Variants in YLPM1 observed in about 807,000 individuals in gnomAD.
The protein encoded by YLPM1 is YLP motif-containing protein 1.
YLPM1 carries 99 observed loss-of-function variants against 230.0 expected under a neutral mutation model. The observed-to-expected ratio is 0.43, with a 90% confidence interval of 0.37 to 0.51. YLPM1 has a LOEUF of 0.51. Ranked by LOEUF, YLPM1 falls within the 20% of genes least tolerant of loss-of-function variation. The pLI, the probability that YLPM1 is intolerant of heterozygous loss-of-function variation, is 0.00. For missense variants in YLPM1, 2,592 were observed against 2,707.7 expected, an observed-to-expected ratio of 0.96 and a Z score of 0.95; for synonymous variants, 984 against 942.5, an observed-to-expected ratio of 1.04 and a Z score of -0.81.
chr14:74,810,128 G>A, intron 8 of YLPM1, 97 bp from the exon 9 acceptor site: 1 of 1,487,778 alleles, frequency 6.7e-7, no homozygotes, highest in Non-Finnish European at 9.0e-7. Flanking sequence ...TTGAATTTAT[G>A]GCAAAAATTT....
In YLPM1 at chr14:74,782,194, T is replaced by A; in HGVS notation, c.2151T>A (p.Asp717Glu). 1 of 1,608,386 alleles carries A rather than the reference T, an allele frequency of 6.2e-7. No individual in the cohort carries two copies. Among genetic ancestry groups the A allele is most frequent in the Non-Finnish European group, 8.5e-7 (1 of 1,179,716 alleles). The change falls in exon 4 of 21, where the codon GAT (aspartate) becomes GAA (glutamate). Residue 717 changes from aspartate to glutamate, a missense_variant. This residue lies in a region of YLPM1 where 1,862 missense variants were observed against 1,819.8 expected (regional missense o/e 1.02). Transcript: ENST00000325680. Reference protein sequence around the residue: ...SALPYSSFSSDQGLGESSAAP... With the variant: ...SALPYSSFSSEQGLGESSAAP... ...TGCCATACAGTTCATTCTCATCTGA[T>A]CAAGGACTTGGGGAGTCTTCAGCTG...
intron 1 of YLPM1, among the ~76,000 whole-genome samples, chr14:74,772,817 C>A (rs1594808686): frequency 6.6e-6 from 1 of 152,276 alleles, no homozygotes; most frequent in African/African-American, 2.4e-5. Flanking sequence ...TTAGCAAGTT[C>A]AGGCATTTTT....
At chr14:74,771,153 C>T (rs2090972989) in intron 1 of YLPM1, among the ~76,000 whole-genome samples, 1 of 152,096 alleles carries the variant, frequency 6.6e-6, no homozygotes, top group African/African-American at 2.4e-5. Context: ...AGGAGAAAAT[C>T]ATGAGTTAGG....
chr14:74,772,800 G>A (rs1264093399), intron 1 of YLPM1, among the ~76,000 whole-genome samples: 3 of 152,128 alleles, frequency 2.0e-5, no homozygotes. Context: ...CAGAAGAGCT[G>A]GCATCATTAG....
At chr14:74,828,601 A>G (rs1157209840) in intron 18 of YLPM1, among the ~76,000 whole-genome samples, 1 of 152,194 alleles carries the variant, frequency 6.6e-6, no homozygotes, top group African/African-American at 2.4e-5. Flanking sequence ...ACTAGCCCTT[A>G]GCCTCAGAAT....
At chr14:74,800,052 G>C (rs753063229) in intron 5 of YLPM1, among the ~76,000 whole-genome samples, 15 of 152,282 alleles carry the variant, frequency 9.9e-5, no homozygotes, top group Non-Finnish European at 2.1e-4. Context: ...TAATCAGTTT[G>C]TTCTTTGGTA....
chr14:74,828,231 A>G lies in YLPM1; in HGVS notation c.6164-982A>G, dbSNP rs187864720. On this transcript the variant is annotated intron_variant, in intron 18 of 20. Coordinates refer to ENST00000325680, the MANE Select transcript of YLPM1 (RefSeq NM_019589.3). ...TTATATACACTCTTTATGGAATTCA[A>G]TGAAGTGTGGTTATGCTGTGTTTCT... Among the ~76,000 whole-genome samples, 443 of 152,288 alleles carry G rather than the reference A, an allele frequency of 2.9e-3. 4 individuals carry two copies. Among genetic ancestry groups the G allele is most frequent in the South Asian group, 0.026 (125 of 4,830 alleles).
At chr14:74,768,409 G>C (rs2090936208) in intron 1 of YLPM1, among the ~76,000 whole-genome samples, 1 of 151,994 alleles carries the variant, frequency 6.6e-6, no homozygotes, top group African/African-American at 2.4e-5. Flanking sequence ...ACCATGCCTG[G>C]CTAGTTTTTG....
intron 19 of YLPM1, 70 bp downstream of exon 19, chr14:74,829,413 A>C: frequency 6.3e-7 from 1 of 1,593,296 alleles, no homozygotes; most frequent in African/African-American, 1.3e-5. Flanking sequence ...AGGAAGTTAC[A>C]GGCAGATGAT....
chr14:74,792,904 A>G (rs937691086), intron 4 of YLPM1, among the ~76,000 whole-genome samples: 4 of 152,086 alleles, frequency 2.6e-5, no homozygotes, highest in African/African-American at 4.8e-5. Flanking sequence ...GTGAGGGGTA[A>G]ATTTTCTGAG....
At chr14:74,834,280 A>T (rs2091628193) in intron 19 of YLPM1, among the ~76,000 whole-genome samples, 1 of 152,028 alleles carries the variant, frequency 6.6e-6, no homozygotes, top group Non-Finnish European at 1.5e-5. Flanking sequence ...AATATCCCTG[A>T]TCCATATATT....
intron 4 of YLPM1, among the ~76,000 whole-genome samples, chr14:74,791,716 C>T (rs1048590765): frequency 6.6e-6 from 1 of 152,184 alleles, no homozygotes; most frequent in African/African-American, 2.4e-5. Flanking sequence ...AGTTAATTGT[C>T]TCACTCTTCC....
At chr14:74,792,270 A>G (rs560260769) in intron 4 of YLPM1, among the ~76,000 whole-genome samples, 18 of 152,288 alleles carry the variant, frequency 1.2e-4, no homozygotes, top group African/African-American at 4.1e-4. Context: ...CATCTACTCT[A>G]GTGCTGCTTT....
chr14:74,781,276 C>A, intron 3 of YLPM1, 58 bp from the exon 4 acceptor site: 1 of 1,445,524 alleles, frequency 6.9e-7, no homozygotes, highest in South Asian at 1.5e-5. Context: ...ATATTTTAAC[C>A]TATGATTAAT....
intron 19 of YLPM1, among the ~76,000 whole-genome samples, chr14:74,833,812 T>G (rs1369554038): frequency 6.6e-6 from 1 of 152,182 alleles, no homozygotes; most frequent in Non-Finnish European, 1.5e-5. Context: ...TTGCTAGTCA[T>G]GCAAATGGTA....
chr14:74,776,555 C>CA (rs1291136828), intron 1 of YLPM1, among the ~76,000 whole-genome samples: 5 of 152,000 alleles, frequency 3.3e-5, no homozygotes, highest in African/African-American at 7.2e-5. Flanking sequence ...GTGAAATCAA[C>CA]AAAAAAGCAC....
chr14:74,791,496 G>T (rs1260777260), intron 4 of YLPM1, among the ~76,000 whole-genome samples: 1 of 152,096 alleles, frequency 6.6e-6, no homozygotes, highest in African/African-American at 2.4e-5. Context: ...TACTTCCTTT[G>T]TCCTTTCTTC....
chr14:74,769,253 T>A (rs1348863780), intron 1 of YLPM1, among the ~76,000 whole-genome samples: 6 of 135,250 alleles, frequency 4.4e-5, no homozygotes, highest in African/African-American at 1.8e-4. Context: ...TTTTTTGTAT[T>A]TTTATCTTTT....
intron 6 of YLPM1, among the ~76,000 whole-genome samples, chr14:74,804,232 C>G (rs1447441891): frequency 1.3e-5 from 2 of 152,166 alleles, no homozygotes; most frequent in African/African-American, 4.8e-5. Flanking sequence ...TGGGACTACC[C>G]CTATACTCCA....
Sources: allele counts gnomAD v4.1 joint callset (sites outside exome capture counted in the v4.1 genomes callset), GRCh38; gene constraint gnomAD v4.1.1; regional missense constraint gnomAD v4.1.1; transcripts MANE v1.5; gene names NCBI Gene and HGNC (gene_info 2026-07-23, HGNC 2026-07-21).